Variants in LPA observed in about 807,000 individuals in gnomAD.
LPA encodes lipoprotein(a), also known as apolipoprotein(a).
LPA carries 199 observed loss-of-function variants against 197.9 expected under a neutral mutation model. The ratio of observed to expected loss-of-function variants is 1.01; its 90% CI spans 0.90 to 1.13. The LOEUF (loss-of-function observed/expected upper bound fraction) is 1.13, where lower values mean the gene tolerates loss of function less well. LPA is among the 50% of genes most tolerant of loss of function. LPA has a pLI of 0.00. For missense variants in LPA, 1,853 were observed against 1,785.8 expected, an observed-to-expected ratio of 1.04 and a Z score of -0.68; for synonymous variants, 715 against 639.5, an observed-to-expected ratio of 1.12 and a Z score of -1.78.
intron 30 of LPA, among the ~76,000 whole-genome samples, chr6:160,552,203 G>A (rs1320654005): frequency 6.6e-6 from 1 of 151,988 alleles, no homozygotes; most frequent in African/African-American, 2.4e-5. Context: ...TGAGCCAAGG[G>A]GCCAGGCCAA....
intron 24 of LPA, 29 bp from the exon 25 acceptor site, chr6:160,586,659 C>T (rs1477368563): frequency 1.2e-6 from 2 of 1,613,012 alleles, no homozygotes; most frequent in African/African-American, 1.3e-5. Context: ...TACAGGTCAC[C>T]AGAGATTGGA....
chr6:160,606,674 C>T lies in LPA; in HGVS notation c.2604-16G>A, dbSNP rs374823305. The T allele has an allele frequency of 4.3e-4, 686 of 1,613,658 alleles. 1 individual carries two copies. Among genetic ancestry groups the T allele is most frequent in the East Asian group, 7.1e-4 (32 of 44,866 alleles). On this transcript the variant is annotated splice_polypyrimidine_tract_variant and intron_variant, in intron 16 of 38. Transcript: ENST00000316300. ...GATCAAGCCACTGGAAATTCCAAAA[C>T]GATACACGTCACAAGAGGTGGGACA...
rs73785611 is a variant in LPA at position 160,611,444 on chromosome 6, G to A, written c.2603+118C>T. The A allele has an allele frequency of 2.7e-3, 4,110 of 1,520,612 alleles. 119 individuals are homozygous for A. In the African/African-American group the frequency reaches 0.051, roughly 19 times the overall value. 94.2% of individuals were successfully genotyped at this position (1,520,612 alleles called of 1,614,324 possible). On this transcript the variant is annotated intron_variant, in intron 16 of 38. Coordinates refer to ENST00000316300, the MANE Select transcript of LPA (RefSeq NM_005577.4). The stretch of plus-strand genomic sequence containing the variant: ...CAAGGAAATCATCCTGAGACATTTT[G>A]CTACACCATCTGAATCTGACACAAG...
chr6:160,582,349 T>G (rs1003821976), intron 26 of LPA, among the ~76,000 whole-genome samples: 3 of 152,090 alleles, frequency 2.0e-5, no homozygotes, highest in African/African-American at 7.2e-5. Flanking sequence ...CGTTATTCTG[T>G]TGTTCCTGAT....
intron 28 of LPA, among the ~76,000 whole-genome samples, chr6:160,561,296 T>A (rs1364470628): frequency 6.6e-5 from 10 of 152,250 alleles, no homozygotes. Context: ...GCTAGCCAGT[T>A]TTCCCAACAC....
In LPA at chr6:160,595,542, A is replaced by G; in HGVS notation, c.3288-7T>C. 6.2e-7 allele frequency: 1 copy of G among 1,613,934 alleles called. No individual in the cohort carries two copies. Among genetic ancestry groups the G allele is most frequent in the South Asian group, 1.1e-5 (1 of 91,078 alleles). On this transcript the variant is annotated splice_region_variant and splice_polypyrimidine_tract_variant and intron_variant, in intron 20 of 38. Transcript: ENST00000316300. ...GTAGTTCCTGGTCAGGCCACTGCAA[A>G]TTTCAAAACAACACAGGTCACCAGA...
intron 30 of LPA, among the ~76,000 whole-genome samples, chr6:160,553,626 T>C (rs1328643189): frequency 6.6e-6 from 1 of 152,232 alleles, no homozygotes; most frequent in African/African-American, 2.4e-5. Flanking sequence ...CTTATAAGAT[T>C]ATCCTTGTTA....
At chr6:160,581,902 G>C (rs1215814463) in intron 26 of LPA, among the ~76,000 whole-genome samples, 1 of 152,064 alleles carries the variant, frequency 6.6e-6, no homozygotes, top group Admixed American at 6.6e-5. Flanking sequence ...ACATGGTATA[G>C]TTCTTTTGCA....
At chr6:160,568,449 T>TAA (rs1487121723) in intron 28 of LPA, among the ~76,000 whole-genome samples, 4 of 151,220 alleles carry the variant, frequency 2.6e-5, no homozygotes, top group Admixed American at 6.6e-5. Flanking sequence ...CTCTCCATGC[T>TAA]GAACTCTCAA....
At chr6:160,660,058 G>T (rs1458298462) in intron 1 of LPA, among the ~76,000 whole-genome samples, 1 of 152,236 alleles carries the variant, frequency 6.6e-6, no homozygotes, top group Admixed American at 6.5e-5. Context: ...AAGAATACAA[G>T]AAGTACAATG....
intron 26 of LPA, among the ~76,000 whole-genome samples, chr6:160,584,221 CTTCTTCTTCTTCT>C (rs1562331196): frequency 2.8e-4 from 33 of 118,144 alleles, no homozygotes; most frequent in Middle Eastern, 7.9e-3. Flanking sequence ...TCTTCTTCTT[CTTCTTCTTCTTCT>C]TCTTCCTCCT....
chr6:160,550,353 C>T (rs1271234706), intron 30 of LPA, among the ~76,000 whole-genome samples: 1 of 152,118 alleles, frequency 6.6e-6, no homozygotes, highest in Non-Finnish European at 1.5e-5. Flanking sequence ...ATGTGGCTGT[C>T]TGAGAAACCT....
At chr6:160,608,342 C>T (rs1468365557) in intron 16 of LPA, among the ~76,000 whole-genome samples, 1 of 152,122 alleles carries the variant, frequency 6.6e-6, no homozygotes, top group African/African-American at 2.4e-5. Context: ...ATCTTCAAGG[C>T]ATTTTATTGC....
chr6:160,611,067 C>A (rs1216424568), intron 16 of LPA, among the ~76,000 whole-genome samples: 1 of 152,056 alleles, frequency 6.6e-6, no homozygotes, highest in African/African-American at 2.4e-5. Context: ...TTTCAGGCCA[C>A]TGGTACTTAG....
At chr6:160,656,158 A>G (rs542640820) in intron 1 of LPA, among the ~76,000 whole-genome samples, 3 of 152,312 alleles carry the variant, frequency 2.0e-5, no homozygotes, top group South Asian at 2.1e-4. Flanking sequence ...CACAGGTCAA[A>G]TGGGAGAGTT....
At chr6:160,608,976 T>C (rs1445766023) in intron 16 of LPA, among the ~76,000 whole-genome samples, 1 of 152,114 alleles carries the variant, frequency 6.6e-6, no homozygotes, top group East Asian at 1.9e-4. Flanking sequence ...AGCCATCCAG[T>C]AATTTTTTCT....
At chr6:160,648,572 G>T (rs1398007219) in intron 2 of LPA, among the ~76,000 whole-genome samples, 1 of 151,888 alleles carries the variant, frequency 6.6e-6, no homozygotes, top group African/African-American at 2.4e-5. Context: ...GTGTGTGTTT[G>T]TAAGCTTATA....
In LPA at chr6:160,588,524, A is replaced by G. The variant is rs187631026; in HGVS notation, c.3947+1029T>C. On this transcript the variant is annotated intron_variant, in intron 24 of 38. Transcript: ENST00000316300. ...TCCATTGAGCTTACTGTTCCCCTGC[A>G]GTTGTTCTTTCCCAAGTAGCTTTTC... is the stretch of plus-strand genomic sequence containing the variant. Among the ~76,000 whole-genome samples the G allele has an allele frequency of 4.1e-3, 622 of 152,238 alleles. 4 individuals are homozygous for G. Among genetic ancestry groups the G allele is most frequent in the Non-Finnish European group, 4.9e-3 (333 of 68,000 alleles).
At chr6:160,559,606 T>C (rs1391003577) in intron 28 of LPA, among the ~76,000 whole-genome samples, 1 of 152,220 alleles carries the variant, frequency 6.6e-6, no homozygotes, top group East Asian at 1.9e-4. Context: ...GATTTTTTAA[T>C]TCGTTTTATC....
Sources: allele counts gnomAD v4.1 joint callset (sites outside exome capture counted in the v4.1 genomes callset), GRCh38; gene constraint gnomAD v4.1.1; transcripts MANE v1.5; gene names NCBI Gene and HGNC (gene_info 2026-07-23, HGNC 2026-07-21).